Variants in VTI1A observed in about 807,000 individuals in gnomAD.
The protein encoded by VTI1A is vesicle transport through interaction with t-SNAREs homolog 1A.
A neutral mutation model predicts 34.9 loss-of-function variants in VTI1A; 22 were observed. The observed-to-expected ratio is 0.63, with a 90% CI of 0.45 to 0.90. The LOEUF is 0.90. Ranked by LOEUF, VTI1A falls within the 40% of genes least tolerant of loss-of-function variation. The probability of loss-of-function intolerance (pLI) is 0.00; values close to 1 mark genes in which losing one functional copy is unlikely to be tolerated. For synonymous variants in VTI1A, 87 were observed against 97.3 expected (o/e 0.89, Z 0.62); for missense variants, 268 against 275.6 (o/e 0.97, Z 0.20).
At chr10:112,571,623 A>G (rs991729684) in intron 5 of VTI1A, among the ~76,000 whole-genome samples, 2 of 152,168 alleles carry the variant, frequency 1.3e-5, no homozygotes, top group Admixed American at 6.5e-5. Flanking sequence ...CCACCTGGCA[A>G]TCCCATTACT....
chr10:112,762,560 G>C (rs1249764812), intron 7 of VTI1A, among the ~76,000 whole-genome samples: 1 of 152,152 alleles, frequency 6.6e-6, no homozygotes, highest in Middle Eastern at 3.2e-3. Flanking sequence ...CAGGAGATTT[G>C]AGTTAGGATA....
chr10:112,492,405 A>G (rs1848859466), intron 3 of VTI1A, among the ~76,000 whole-genome samples: 1 of 152,168 alleles, frequency 6.6e-6, no homozygotes, highest in South Asian at 2.1e-4. Context: ...TATCATTGCA[A>G]TTGCCGCAGT....
At chr10:112,765,795 A>G (rs1851630042) in intron 7 of VTI1A, among the ~76,000 whole-genome samples, 1 of 152,218 alleles carries the variant, frequency 6.6e-6, no homozygotes, top group Non-Finnish European at 1.5e-5. Context: ...CCCTGGAGGG[A>G]TTGTTAAAAC....
At chr10:112,808,624 CAAAAA>C (rs760656671) in intron 7 of VTI1A, among the ~76,000 whole-genome samples, 1 of 59,590 alleles carries the variant, frequency 1.7e-5, no homozygotes. Flanking sequence ...GACTCCATCT[CAAAAA>C]AAAAAAAAAA....
the VTI1A span, chr10:112,832,286 C>G: frequency 6.6e-6 from 1 of 152,298 alleles, no homozygotes; most frequent in South Asian, 2.1e-4. Context: ...AAATACAACA[C>G]GTAAAATGTG....
At chr10:112,819,147 T>A (rs547165528), downstream of VTI1A, among the ~76,000 whole-genome samples, 1 of 152,364 alleles carries the variant, frequency 6.6e-6, no homozygotes, top group African/African-American at 2.4e-5. Flanking sequence ...TGGAGTGAGC[T>A]GGAAATTTAG....
At chr10:112,553,311 C>T (rs1462270447) in intron 5 of VTI1A, among the ~76,000 whole-genome samples, 1 of 152,220 alleles carries the variant, frequency 6.6e-6, no homozygotes, top group East Asian at 1.9e-4. Context: ...AGACCTTAGA[C>T]AAGTTCCTTA....
chr10:112,479,123 C>T (rs756564506), intron 3 of VTI1A, among the ~76,000 whole-genome samples: 1 of 152,104 alleles, frequency 6.6e-6, no homozygotes, highest in Non-Finnish European at 1.5e-5. Flanking sequence ...GCCAAGATTG[C>T]GCCACTGCAC....
intron 5 of VTI1A, among the ~76,000 whole-genome samples, chr10:112,618,502 T>G: frequency 1.9e-4 from 8 of 42,904 alleles, no homozygotes; most frequent in African/African-American, 6.2e-4. Flanking sequence ...TATATATATA[T>G]ATATATATAT....
At chr10:112,711,655 T>G (rs1378873325) in intron 7 of VTI1A, among the ~76,000 whole-genome samples, 1 of 152,190 alleles carries the variant, frequency 6.6e-6, no homozygotes, top group Non-Finnish European at 1.5e-5. Flanking sequence ...TTGGTGTAAG[T>G]AAACCATCCC....
chr10:112,790,283 G>T (rs979006123), intron 7 of VTI1A, among the ~76,000 whole-genome samples: 1 of 152,176 alleles, frequency 6.6e-6, no homozygotes, highest in Non-Finnish European at 1.5e-5. Context: ...GGGTTGCAGA[G>T]CACATTCAAA....
At chr10:112,762,547 G>C (rs940644412) in intron 7 of VTI1A, among the ~76,000 whole-genome samples, 1 of 152,114 alleles carries the variant, frequency 6.6e-6, no homozygotes, top group Non-Finnish European at 1.5e-5. Context: ...AAGTATATTT[G>C]GGCAGGAGAT....
At chr10:112,555,349 C>G (rs952219911) in intron 5 of VTI1A, among the ~76,000 whole-genome samples, 5 of 152,096 alleles carry the variant, frequency 3.3e-5, no homozygotes, top group African/African-American at 1.2e-4. Context: ...TTTTTACTTA[C>G]GTTTGTTTCT....
At chr10:112,683,832 C>T (rs1848304234) in intron 7 of VTI1A, among the ~76,000 whole-genome samples, 1 of 152,186 alleles carries the variant, frequency 6.6e-6, no homozygotes, top group African/African-American at 2.4e-5. Context: ...CACCTGAGGT[C>T]AGGAGTTCGA....
rs185202730 is a variant in VTI1A, at chr10:112,687,854, T to C, written c.560+18856T>C. ...ACCTGGCAGGGTACTGCAGAACATC[T>C]TGGCCTTGCAGATCTGTGAGAAGGA... On this transcript the variant is annotated intron_variant, in intron 7 of 7. Coordinates refer to ENST00000393077, the MANE Select transcript of VTI1A (RefSeq NM_145206.4). Among the ~76,000 whole-genome samples, 654 of 152,094 alleles carry C rather than the reference T, an allele frequency of 4.3e-3. 5 individuals are homozygous for C. The highest frequency in any genetic ancestry group is 0.015 in the African/African-American group (619 of 41,454).
chr10:112,692,970 A>T (rs1339628300), intron 7 of VTI1A, among the ~76,000 whole-genome samples: 1 of 152,202 alleles, frequency 6.6e-6, no homozygotes, highest in Non-Finnish European at 1.5e-5. Flanking sequence ...GCATTCAATA[A>T]ATGTTTGATG....
the VTI1A span, chr10:112,831,351 G>A: frequency 1.3e-5 from 2 of 152,300 alleles, no homozygotes; most frequent in African/African-American, 4.8e-5. Flanking sequence ...TGGACAAGAG[G>A]TGGGGCTGGG....
chr10:112,696,634 T>C (rs531119221), intron 7 of VTI1A, among the ~76,000 whole-genome samples: 21 of 152,330 alleles, frequency 1.4e-4, no homozygotes, highest in African/African-American at 5.1e-4. Context: ...AACTTTCCTC[T>C]ATTATTTCCT....
chr10:112,802,556 C>T (rs1269520373), intron 7 of VTI1A, among the ~76,000 whole-genome samples: 2 of 152,134 alleles, frequency 1.3e-5, no homozygotes, highest in Admixed American at 6.5e-5. Context: ...GCCCAGCCAA[C>T]CTGAGCTGCT....
Sources: allele counts gnomAD v4.1 joint callset (sites outside exome capture counted in the v4.1 genomes callset), GRCh38; gene constraint gnomAD v4.1.1; transcripts MANE v1.5; gene names NCBI Gene and HGNC (gene_info 2026-07-23, HGNC 2026-07-21).